SNAPC1: variants seen among roughly 807,000 people sequenced by gnomAD.
SNAPC1 encodes small nuclear RNA activating complex polypeptide 1.
A neutral mutation model predicts 50.1 loss-of-function variants in SNAPC1; 42 were observed. The observed-to-expected ratio is 0.84, with a 90% CI of 0.65 to 1.08. The LOEUF is 1.08. Among genes scored for constraint, SNAPC1 ranks in the 50% least tolerant of loss-of-function variants. The pLI, the probability that SNAPC1 is intolerant of heterozygous loss-of-function variation, is 0.00. For missense variants in SNAPC1, 477 were observed against 427.3 expected, an observed-to-expected ratio of 1.12 and a Z score of -1.02; for synonymous variants, 164 against 144.2, an observed-to-expected ratio of 1.14 and a Z score of -0.98.
chr14:61,783,042 G>C (rs1481821252), intron 8 of SNAPC1, among the ~76,000 whole-genome samples: 1 of 87,438 alleles, frequency 1.1e-5, no homozygotes, highest in Admixed American at 1.2e-4. Flanking sequence ...TTTTTTTTGA[G>C]AGGGAGTTTT....
intron 8 of SNAPC1, among the ~76,000 whole-genome samples, chr14:61,783,818 G>A (rs972039203): frequency 3.9e-5 from 6 of 151,982 alleles, no homozygotes; most frequent in African/African-American, 9.7e-5. Flanking sequence ...GATTACGGGC[G>A]TGAGCCACCG....
At chr14:61,768,473 A>G (rs893479423) in intron 3 of SNAPC1, among the ~76,000 whole-genome samples, 163 bp from the exon 4 acceptor site, 1 of 152,244 alleles carries the variant, frequency 6.6e-6, no homozygotes, top group Non-Finnish European at 1.5e-5. Context: ...TCACAAGTCT[A>G]ACAGTCTTTG....
At chr14:61,784,254 T>G (rs540767217) in intron 8 of SNAPC1, among the ~76,000 whole-genome samples, 1 of 152,206 alleles carries the variant, frequency 6.6e-6, no homozygotes, top group African/African-American at 2.4e-5. Flanking sequence ...CTAAACTCAC[T>G]TATGAGTATT....
rs7150786 is a variant in SNAPC1, at chr14:61,768,193, C to T, written c.430-443C>T. Among the ~76,000 whole-genome samples the T allele has an allele frequency of 4.1e-3, 627 of 152,284 alleles. 2 individuals are homozygous for T. Among genetic ancestry groups the T allele is most frequent in the African/African-American group, 0.015 (604 of 41,546 alleles). ...GTGTATCTGGGTGCCACATATTAAG[C>T]GAACTGTTTTGAGAACAAATTAGAT... On this transcript the variant is annotated intron_variant, in intron 3 of 9. Coordinates refer to ENST00000216294, the MANE Select transcript of SNAPC1 (RefSeq NM_003082.4).
intron 8 of SNAPC1, among the ~76,000 whole-genome samples, chr14:61,791,926 A>T (rs931632226): frequency 3.3e-5 from 5 of 151,994 alleles, no homozygotes; most frequent in Admixed American, 6.6e-5. Flanking sequence ...ATGTCTTTTT[A>T]AAAAAAGAAA....
intron 4 of SNAPC1, among the ~76,000 whole-genome samples, chr14:61,770,234 CTTT>C (rs72091048): frequency 7.5e-6 from 1 of 133,918 alleles, no homozygotes. Flanking sequence ...CCCCCATGTT[CTTT>C]TTTTTTTTTT....
At chr14:61,794,140 A>G (rs1309809214) in intron 9 of SNAPC1, among the ~76,000 whole-genome samples, 1 of 152,136 alleles carries the variant, frequency 6.6e-6, no homozygotes, top group Non-Finnish European at 1.5e-5. Flanking sequence ...GTTTTGGGTT[A>G]CATTTCTAGG....
At chr14:61,787,576 A>T (rs1230866255) in intron 8 of SNAPC1, among the ~76,000 whole-genome samples, 1 of 152,238 alleles carries the variant, frequency 6.6e-6, no homozygotes, top group African/African-American at 2.4e-5. Flanking sequence ...ATCGGAAGTG[A>T]GGTACAGAAC....
At chr14:61,789,023 G>A (rs1201784420) in intron 8 of SNAPC1, among the ~76,000 whole-genome samples, 2 of 152,096 alleles carry the variant, frequency 1.3e-5, no homozygotes, top group Non-Finnish European at 2.9e-5. Context: ...ACAAGGTCAG[G>A]AGTTCAAAAC....
chr14:61,785,875 A>G (rs1475135977), intron 8 of SNAPC1, among the ~76,000 whole-genome samples: 1 of 151,954 alleles, frequency 6.6e-6, no homozygotes, highest in East Asian at 1.9e-4. Flanking sequence ...CAGAGGGATC[A>G]CTTTGAATAG....
At chr14:61,768,099 G>A (rs899279171) in intron 3 of SNAPC1, among the ~76,000 whole-genome samples, 1 of 152,184 alleles carries the variant, frequency 6.6e-6, no homozygotes, top group African/African-American at 2.4e-5. Flanking sequence ...TTTAAAATAG[G>A]AGAAGGTATT....
intron 8 of SNAPC1, among the ~76,000 whole-genome samples, chr14:61,787,695 A>T (rs2045125035): frequency 1.3e-5 from 2 of 152,234 alleles, no homozygotes. Flanking sequence ...AGTCTCAGCT[A>T]TTGTTAAGGC....
At chr14:61,778,301 C>G (rs1477203148) in intron 6 of SNAPC1, among the ~76,000 whole-genome samples, 161 bp downstream of exon 6, 1 of 152,188 alleles carries the variant, frequency 6.6e-6, no homozygotes, top group Non-Finnish European at 1.5e-5. Flanking sequence ...GAGGCCACAT[C>G]AGGTGTAGAT....
At chr14:61,767,389 A>C in intron 3 of SNAPC1, 37 bp downstream of exon 3, 1 of 1,331,840 alleles carries the variant, frequency 7.5e-7, no homozygotes, top group Non-Finnish European at 9.9e-7. Context: ...TTTCAAAATG[A>C]GCAATTATAC....
chr14:61,766,407 C>T lies in SNAPC1; in HGVS notation c.129-469C>T, dbSNP rs189502175. On this transcript the variant is annotated intron_variant, in intron 1 of 9. Coordinates refer to ENST00000216294, the MANE Select transcript of SNAPC1 (RefSeq NM_003082.4). ...GTCAAGTTATAAATGACCCTGTCTC[C>T]TTTGTTCAGTGTAGCAAAACTGCTG... Among the ~76,000 whole-genome samples, 983 of 152,282 alleles carry T rather than the reference C, an allele frequency of 6.5e-3. 7 individuals are homozygous for T. The highest frequency in any genetic ancestry group is 8.2e-3 in the Non-Finnish European group (558 of 68,030).
intron 8 of SNAPC1, among the ~76,000 whole-genome samples, chr14:61,792,134 A>G (rs73326986): frequency 6.6e-6 from 1 of 151,368 alleles, no homozygotes; most frequent in Non-Finnish European, 1.5e-5. Context: ...AAGATATAAC[A>G]TATCAAATGA....
At chr14:61,765,319 A>G (rs1289705667) in intron 1 of SNAPC1, among the ~76,000 whole-genome samples, 1 of 152,192 alleles carries the variant, frequency 6.6e-6, no homozygotes, top group Non-Finnish European at 1.5e-5. Flanking sequence ...GTTAATTTAG[A>G]AAGGTTATTT....
Position 61,766,916 on chromosome 14 carries a change from G to T in SNAPC1, c.169G>T (p.Glu57Ter). 1 of 1,611,112 alleles carries T rather than the reference G, an allele frequency of 6.2e-7. No homozygotes were observed. Among genetic ancestry groups the T allele is most frequent in the Non-Finnish European group, 8.5e-7 (1 of 1,177,564 alleles). Residue 57 changes from glutamate (E) to a stop codon, truncating the protein, a stop_gained, in exon 2 of 10, where the codon GAA (glutamate) becomes TAA (stop). Transcript: ENST00000216294. LOFTEE classifies it high-confidence loss of function. ...RNLEKNMFTKEALALAWRYFL... is the reference protein window; with the variant it reads ...RNLEKNMFTK ...TTTAGAAAAGAACATGTTTACAAAAGAAGCTTTAGCTTTGGCTTGGCGATA... is the reference window on the plus strand; with the variant it reads ...TTTAGAAAAGAACATGTTTACAAAATAAGCTTTAGCTTTGGCTTGGCGATA...
intron 4 of SNAPC1, among the ~76,000 whole-genome samples, chr14:61,772,843 C>T (rs544809181): frequency 4.6e-5 from 7 of 152,280 alleles, no homozygotes; most frequent in Non-Finnish European, 5.9e-5. Context: ...AGAAGAGTAT[C>T]AGAAGGGTCA....
Sources: allele counts gnomAD v4.1 joint callset (sites outside exome capture counted in the v4.1 genomes callset), GRCh38; gene constraint gnomAD v4.1.1; transcripts MANE v1.5; gene names NCBI Gene and HGNC (gene_info 2026-07-23, HGNC 2026-07-21).